ZNF404: variants seen among roughly 807,000 people sequenced by gnomAD.
The protein encoded by ZNF404 is zinc finger protein 404.
In ZNF404, 7 loss-of-function variants were observed where a neutral mutation model predicts 7.3. That is an observed-to-expected ratio of 0.95 (90% CI 0.54 to 1.79). The LOEUF (loss-of-function observed/expected upper bound fraction) is 1.79. Among genes scored for constraint, ZNF404 ranks in the 40% most tolerant of loss-of-function variants. The pLI is 0.00. For missense variants in ZNF404, 560 were observed against 661.5 expected, an observed-to-expected ratio of 0.85 and a Z score of 1.68; for synonymous variants, 191 against 209.9, an observed-to-expected ratio of 0.91 and a Z score of 0.78.
chr19:43,873,891 C>T lies in ZNF404; in HGVS notation c.323G>A (p.Ser108Asn), dbSNP rs1361019444. The T allele has an allele frequency of 3.1e-6, 5 of 1,612,890 alleles. No individual in the cohort carries two copies. In the East Asian group the frequency reaches 6.7e-5, roughly 22 times the overall value. ...RQQRPKVGCF[S>N]QMIFKKHKSL... ...TTTATGTTTTTTGAATATCATTTGACTAAAACATCCCACTTTAGGTCTCTG... is the reference window on the plus strand; with the variant it reads ...TTTATGTTTTTTGAATATCATTTGATTAAAACATCCCACTTTAGGTCTCTG... The change falls in exon 3 of 3, where the codon AGT becomes AAT. Residue 108 changes from serine (S) to asparagine (N), a missense_variant. Physicochemically the swap from Ser to Asn is conservative, Grantham distance 46 (BLOSUM62 1). Coordinates refer to ENST00000587539, the MANE Select transcript of ZNF404 (RefSeq NM_001033719.3).
At position 43,873,553 on chromosome 19, in the gene ZNF404, C is replaced by T. The variant is rs373749668; in HGVS notation, c.661G>A (p.Gly221Arg). The T allele has an allele frequency of 2.6e-5, 42 of 1,613,340 alleles. No homozygotes were observed. The highest frequency in any genetic ancestry group is 1.5e-4 in the African/African-American group (11 of 74,850). Reference sequence around the variant, plus strand: ...TGAGAATGACGTCTAAAAGCCTTCCCGCATTGCTTACATTCATAGGGTTTC... The same window carrying T: ...TGAGAATGACGTCTAAAAGCCTTCCTGCATTGCTTACATTCATAGGGTTTC... ...GMKPYECKQC[G>R]KAFRRHSHLT... Residue 221 changes from glycine (G) to arginine (R), a missense_variant, in exon 3 of 3, where the codon GGG becomes AGG. Coordinates refer to ENST00000587539, the MANE Select transcript of ZNF404 (RefSeq NM_001033719.3).
intron 2 of ZNF404, among the ~76,000 whole-genome samples, chr19:43,877,196 C>G (rs1014681992): frequency 3.3e-5 from 5 of 152,040 alleles, no homozygotes; most frequent in African/African-American, 9.7e-5. Flanking sequence ...GTCTATAACT[C>G]TAAAATTATT....
At position 43,873,767 on chromosome 19, in the gene ZNF404, A is replaced by T; in HGVS notation, c.447T>A (p.His149Gln). 1 of 1,591,222 alleles carries T rather than the reference A, an allele frequency of 6.3e-7. No homozygotes were observed. Among genetic ancestry groups the T allele is most frequent in the Non-Finnish European group, 8.5e-7 (1 of 1,179,228 alleles). The change falls in exon 3 of 3, where the codon CAT (histidine) becomes CAA (glutamine). Residue 149 changes from histidine (H) to glutamine (Q), a missense_variant. His to Gln is a conservative substitution (Grantham distance 24). Coordinates refer to ENST00000587539, the MANE Select transcript of ZNF404 (RefSeq NM_001033719.3). ...GFRKYLHLTE[H>Q]LRDHTGVIPY... ...GTATCACACCAGTATGGTCTCTCAGATGTTCAGTAAGGTGCAAATATTTTC... is the reference window on the plus strand; with the variant it reads ...GTATCACACCAGTATGGTCTCTCAGTTGTTCAGTAAGGTGCAAATATTTTC...
intron 2 of ZNF404, among the ~76,000 whole-genome samples, chr19:43,878,768 A>T (rs942019325): frequency 6.6e-6 from 1 of 152,212 alleles, no homozygotes; most frequent in Non-Finnish European, 1.5e-5. Context: ...CCTGATTCTA[A>T]GTACAGCAGG....
chr19:43,877,899 C>A (rs2146619876), intron 2 of ZNF404, among the ~76,000 whole-genome samples: 1 of 151,158 alleles, frequency 6.6e-6, no homozygotes, highest in Admixed American at 6.6e-5. Context: ...CATGTCCCTA[C>A]AAAGGACATG....
rs774594092 is a variant in ZNF404, at chr19:43,873,358, G to C, written c.856C>G (p.Leu286Val). 25 of 1,613,046 alleles carry C rather than the reference G, an allele frequency of 1.5e-5. No homozygotes were observed. Among genetic ancestry groups the C allele is most frequent in the Non-Finnish European group, 2.0e-5 (23 of 1,179,478 alleles). Residue 286 changes from leucine (L) to valine (V), a missense_variant, in exon 3 of 3, where the codon CTT becomes GTT. Physicochemically the swap from Leu to Val is conservative, Grantham distance 32. Coordinates refer to ENST00000587539, the MANE Select transcript of ZNF404 (RefSeq NM_001033719.3). ...GAATGAATTTTCTTATGTTGGTAAAGACTTGAACGATGACCAAAAGCCTTT... is the reference window on the plus strand; with the variant it reads ...GAATGAATTTTCTTATGTTGGTAAACACTTGAACGATGACCAAAAGCCTTT... ...CGKAFGHRSSLYQHKKIHSGE... is the reference protein window; with the variant it reads ...CGKAFGHRSSVYQHKKIHSGE...
At chr19:43,879,745 C>T (rs184002139) in intron 2 of ZNF404, among the ~76,000 whole-genome samples, 7 of 152,154 alleles carry the variant, frequency 4.6e-5, no homozygotes, top group African/African-American at 1.4e-4. Flanking sequence ...GAATTCAAAC[C>T]TCTAGTCATT....
intron 2 of ZNF404, among the ~76,000 whole-genome samples, chr19:43,874,334 G>A (rs550341374): frequency 1.3e-5 from 2 of 152,110 alleles, no homozygotes; most frequent in African/African-American, 4.8e-5. Flanking sequence ...TTGCAAATCA[G>A]AATTACCATA....
chr19:43,879,837 G>C (rs1014681723), intron 2 of ZNF404, among the ~76,000 whole-genome samples, 173 bp downstream of exon 2: 4 of 152,130 alleles, frequency 2.6e-5, no homozygotes, highest in Non-Finnish European at 5.9e-5. Context: ...GTGCTGAATG[G>C]GGGTGCCCAT....
At chr19:43,880,216 C>T in intron 1 of ZNF404, 80 bp from the exon 2 acceptor site, 1 of 1,276,282 alleles carries the variant, frequency 7.8e-7, no homozygotes, top group Non-Finnish European at 1.1e-6. Flanking sequence ...AATAAAGGGG[C>T]AATATGTAAA....
chr19:43,873,539 T>C lies in ZNF404; in HGVS notation c.675A>G (p.Arg225=). ...GATGTTCTGTAAGGTGAGAATGACG[T>C]CTAAAAGCCTTCCCGCATTGCTTAC... is the stretch of plus-strand genomic sequence containing the variant. ...YECKQCGKAF[R]RHSHLTEHQK... is the part of the protein sequence containing the mutation. The change falls in exon 3 of 3, where the codon AGA becomes AGG. Residue 225 remains arginine (R), a synonymous_variant. Transcript: ENST00000587539. 2 of 1,613,458 alleles carry C rather than the reference T, an allele frequency of 1.2e-6. No homozygotes were observed. Among genetic ancestry groups the C allele is most frequent in the Middle Eastern group, 3.3e-4 (2 of 6,060 alleles).
In ZNF404 at chr19:43,872,734, G is replaced by A. The variant is rs1189247884; in HGVS notation, c.1480C>T (p.Pro494Ser). 1.1e-5 allele frequency: 18 copies of A among 1,613,258 alleles called. No homozygotes were observed. Among genetic ancestry groups the A allele is most frequent in the Non-Finnish European group, 1.5e-5 (18 of 1,179,610 alleles). The change falls in exon 3 of 3, where the codon CCC (proline) becomes TCC (serine). Residue 494 changes from proline (P) to serine (S), a missense_variant. Pro to Ser is a moderately conservative substitution (Grantham distance 74). Transcript: ENST00000587539. This position sits in a 1 kb window ranked among gnomAD's most constrained non-coding sequence, Gnocchi z 4.4. ...TTATCACATTCTTTACATTCATAGG[G>A]TTTTTCACCAGTATGAATTCTCTTA... ...QHKRIHTGEK[P>S]YECKECDKAF...
At position 43,872,496 on chromosome 19, in the gene ZNF404, A is replaced by T. The variant is rs1971817562; in HGVS notation, c.*59T>A. ...TATATTAACTAGTTTAATCTTCACT[A>T]TAGCATCATAATAGTGACAACAGTA... On this transcript the variant is annotated 3_prime_UTR_variant, in exon 3 of 3. Coordinates refer to ENST00000587539, the MANE Select transcript of ZNF404 (RefSeq NM_001033719.3). The surrounding 1 kb of genome is among the most constrained non-coding windows in gnomAD (Gnocchi z 4.4). 7.3e-7 allele frequency: 1 copy of T among 1,363,326 alleles called. No individual in the cohort carries two copies. Among genetic ancestry groups the T allele is most frequent in the African/African-American group, 1.5e-5 (1 of 68,280 alleles). The allele number at this position is 1,363,326 out of a possible 1,614,324, so 84.5% of individuals were successfully genotyped here. A position where few individuals can be genotyped will look rare whatever the true frequency, so the allele number is the denominator to read the frequency against.
chr19:43,883,853 G>C, intron 1 of ZNF404, 103 bp downstream of exon 1: 2 of 1,270,940 alleles, frequency 1.6e-6, no homozygotes, highest in Non-Finnish European at 2.2e-6. Context: ...GGTTCCAAGA[G>C]AGAGCTTTCT....
chr19:43,879,281 A>G (rs1971876227), intron 2 of ZNF404, among the ~76,000 whole-genome samples: 1 of 152,212 alleles, frequency 6.6e-6, no homozygotes, highest in South Asian at 2.1e-4. Context: ...AGAAAACAGA[A>G]TAAGTGAGCT....
rs367904434 is a variant in ZNF404, at chr19:43,873,004, T to A, written c.1210A>T (p.Ile404Phe). Reference protein sequence around the residue: ...LHSYLIQHQIIHTDLKPYECK... With the variant: ...LHSYLIQHQIFHTDLKPYECK... ...TCATATGGCTTCAAATCAGTATGAATTATCTGATGTTGAATAAGATATGAA... is the reference window on the plus strand; with the variant it reads ...TCATATGGCTTCAAATCAGTATGAAATATCTGATGTTGAATAAGATATGAA... Residue 404 changes from isoleucine to phenylalanine, a missense_variant, in exon 3 of 3, where the codon ATT (isoleucine) becomes TTT (phenylalanine). By Grantham distance (21) the Ile-to-Phe change is conservative. Transcript: ENST00000587539. 5.8e-5 allele frequency: 93 copies of A among 1,602,688 alleles called. No individual in the cohort carries two copies. In the African/African-American group the frequency reaches 1.2e-3, roughly 21 times the overall value.
At chr19:43,880,933 C>T (rs1449591135) in intron 1 of ZNF404, among the ~76,000 whole-genome samples, 1 of 152,212 alleles carries the variant, frequency 6.6e-6, no homozygotes, top group African/African-American at 2.4e-5. Context: ...GCCTGTCTCA[C>T]ATTTAAAAAT....
At chr19:43,882,454 A>G (rs1410575386) in intron 1 of ZNF404, among the ~76,000 whole-genome samples, 3 of 152,234 alleles carry the variant, frequency 2.0e-5, no homozygotes, top group Non-Finnish European at 4.4e-5. Context: ...AAGATTTCTT[A>G]GATACAACAC....
At chr19:43,881,754 C>G (rs1039549203) in intron 1 of ZNF404, 1 of 151,864 alleles carries the variant, frequency 6.6e-6, no homozygotes, top group African/African-American at 2.4e-5. Context: ...GTTGGGAGTT[C>G]GAGACCAGCC....
Sources: allele counts gnomAD v4.1 joint callset (sites outside exome capture counted in the v4.1 genomes callset), GRCh38; gene constraint gnomAD v4.1.1; non-coding constraint Gnocchi (gnomAD v3.1); transcripts MANE v1.5; gene names NCBI Gene and HGNC (gene_info 2026-07-23, HGNC 2026-07-21).